Variants in PIK3C3 observed in about 807,000 individuals in gnomAD.
PIK3C3 encodes PI3-kinase type 3.
A neutral mutation model predicts 126.1 loss-of-function variants in PIK3C3; 95 were observed. The ratio of observed to expected loss-of-function variants is 0.75; its 90% CI spans 0.64 to 0.89. The LOEUF is 0.89. PIK3C3 is among the 40% of genes least tolerant of loss of function. The pLI is 0.00. For missense variants in PIK3C3, 829 were observed against 1,063.2 expected (o/e 0.78, Z 3.06); for synonymous variants, 374 against 360.0 (o/e 1.04, Z -0.44).
At chr18:41,980,649 CT>C (rs1210138281) in intron 4 of PIK3C3, among the ~76,000 whole-genome samples, 3 of 151,606 alleles carry the variant, frequency 2.0e-5, no homozygotes, top group Admixed American at 2.0e-4. Context: ...AACTTTGTCT[CT>C]GTAAATAAAA....
chr18:41,958,019 A>C lies in PIK3C3; in HGVS notation c.257+261A>C, dbSNP rs184794753. On this transcript the variant is annotated intron_variant, in intron 2 of 24. Coordinates refer to ENST00000262039, the MANE Select transcript of PIK3C3 (RefSeq NM_002647.4). ...ACTTGACTGATTTACATGACCAAAA[A>C]CAAAAACACGTCTGTGGCATTTTAA... 2.0e-5 allele frequency among the ~76,000 whole-genome samples: 3 copies of C among 152,322 alleles called. No homozygotes were observed. The East Asian group carries it at 5.8e-4, about 29-fold the overall frequency.
chr18:42,037,081 G>T (rs1984088838), intron 16 of PIK3C3, among the ~76,000 whole-genome samples: 1 of 152,118 alleles, frequency 6.6e-6, no homozygotes. Context: ...ATTTTATTAT[G>T]TATATGCAAA....
chr18:42,078,309 G>A (rs894971267), intron 24 of PIK3C3, among the ~76,000 whole-genome samples: 6 of 148,746 alleles, frequency 4.0e-5, no homozygotes, highest in East Asian at 2.0e-4. Context: ...CCCGGGAAGC[G>A]GAGCTTGCAG....
intron 17 of PIK3C3, among the ~76,000 whole-genome samples, chr18:42,038,432 C>G (rs538908575): frequency 6.6e-6 from 1 of 152,012 alleles, no homozygotes; most frequent in African/African-American, 2.4e-5. Flanking sequence ...ACCTCTGCCC[C>G]CTGGGTTCAA....
rs1264261675 is a variant in PIK3C3 at position 42,083,899 on chromosome 18, C to T, written c.*2762C>T. The T allele has an allele frequency of 1.3e-5, 2 of 152,172 alleles. No homozygotes were observed. The highest frequency in any genetic ancestry group is 2.9e-5 in the Non-Finnish European group (2 of 68,030). The allele number at this position is 152,172 out of a possible 1,614,324, so 9.4% of individuals were successfully genotyped here. ...CACTGAGATAATGGTAGTGATAGTA[C>T]TGACCTCTAATGTGTGCATTTGTGG... On this transcript the variant is annotated 3_prime_UTR_variant, in exon 25 of 25. Coordinates refer to ENST00000262039, the MANE Select transcript of PIK3C3 (RefSeq NM_002647.4).
intron 4 of PIK3C3, 26 bp downstream of exon 4, chr18:41,970,482 G>A (rs751443850): frequency 1.2e-6 from 2 of 1,607,430 alleles, no homozygotes; most frequent in Non-Finnish European, 1.7e-6. Context: ...TGGAACAGGT[G>A]CAAAGCTCTG....
intron 13 of PIK3C3, among the ~76,000 whole-genome samples, chr18:42,022,632 A>T (rs566422481): frequency 2.0e-5 from 3 of 150,758 alleles, no homozygotes; most frequent in East Asian, 3.9e-4. Flanking sequence ...ACCTGTGTTT[A>T]TTTTTTTTTG....
At chr18:42,014,586 G>T (rs1982987005) in intron 11 of PIK3C3, among the ~76,000 whole-genome samples, 1 of 152,100 alleles carries the variant, frequency 6.6e-6, no homozygotes, top group Admixed American at 6.5e-5. Context: ...GCTTTTCAGA[G>T]AATCTTAAAA....
At chr18:41,970,536 T>C (rs760928156) in intron 4 of PIK3C3, 80 bp downstream of exon 4, 20 of 1,234,498 alleles carry the variant, frequency 1.6e-5, no homozygotes, top group Non-Finnish European at 2.1e-5. Flanking sequence ...TTATGAACTC[T>C]GTCAGATTTT....
At chr18:42,054,048 T>C (rs1263187807) in intron 21 of PIK3C3, among the ~76,000 whole-genome samples, 1 of 147,810 alleles carries the variant, frequency 6.8e-6, no homozygotes, top group East Asian at 2.0e-4. Context: ...ATGGTTATTC[T>C]TATTTTTATC....
chr18:42,076,129 T>TATATATATATATATATATATATATGCAC (rs1985991706), intron 24 of PIK3C3, among the ~76,000 whole-genome samples: 3 of 81,692 alleles, frequency 3.7e-5, no homozygotes, highest in African/African-American at 2.6e-4. Context: ...TATGCGCATA[T>TATATATATATATATATATATATATGCAC]ATATATATAT....
chr18:42,079,092 C>T (rs561370890), intron 24 of PIK3C3, among the ~76,000 whole-genome samples: 2 of 152,266 alleles, frequency 1.3e-5, no homozygotes, highest in Admixed American at 6.5e-5. Flanking sequence ...CTCTTTGATG[C>T]GAGAGTCTTA....
chr18:42,062,572 T>A (rs1397907367), intron 22 of PIK3C3, among the ~76,000 whole-genome samples: 1 of 152,136 alleles, frequency 6.6e-6, no homozygotes, highest in East Asian at 1.9e-4. Flanking sequence ...TGTAGAACCT[T>A]CATTATCATT....
At chr18:41,975,447 G>C (rs1022367603) in intron 4 of PIK3C3, among the ~76,000 whole-genome samples, 9 of 152,118 alleles carry the variant, frequency 5.9e-5, no homozygotes, top group African/African-American at 2.2e-4. Flanking sequence ...TGCACATGTC[G>C]AACGTTTCTA....
Position 41,955,793 on chromosome 18 carries a change from G to T in PIK3C3, c.68+434G>T, listed in dbSNP as rs143606978. 5.8e-3 allele frequency among the ~76,000 whole-genome samples: 882 copies of T among 152,284 alleles called. 34 individuals carry two copies. The highest frequency in any genetic ancestry group is 0.05 in the Admixed American group (762 of 15,296). ...AGACACAGGCAGATGCGATAGTTGA[G>T]AATAAGATGAGCACATGGTGTATTA... is the stretch of plus-strand genomic sequence containing the variant. On this transcript the variant is annotated intron_variant, in intron 1 of 24. Coordinates refer to ENST00000262039, the MANE Select transcript of PIK3C3 (RefSeq NM_002647.4).
Position 42,083,011 on chromosome 18 carries a change from G to C in PIK3C3, c.*1874G>C, listed in dbSNP as rs1156948783. 6.6e-6 allele frequency: 1 copy of C among 152,194 alleles called. No homozygotes were observed. Among genetic ancestry groups the C allele is most frequent in the African/African-American group, 2.4e-5 (1 of 41,450 alleles). The allele number at this position is 152,194 out of a possible 1,614,324, so 9.4% of individuals were successfully genotyped here. A position where few individuals can be genotyped will look rare whatever the true frequency, so the allele number is the denominator to read the frequency against. On this transcript the variant is annotated 3_prime_UTR_variant, in exon 25 of 25. Transcript: ENST00000262039. The stretch of plus-strand genomic sequence containing the variant: ...ATTCAGTGCCACCTTAACAAGAATT[G>C]TAAAGAGGATAAACCTTTCTAGGAA...
At chr18:42,073,254 G>A (rs1289797996) in intron 24 of PIK3C3, among the ~76,000 whole-genome samples, 1 of 152,204 alleles carries the variant, frequency 6.6e-6, no homozygotes, top group Admixed American at 6.5e-5. Context: ...AGGAGGAAAA[G>A]CACACGTCTA....
At chr18:41,990,279 A>T (rs751203389) in intron 5 of PIK3C3, among the ~76,000 whole-genome samples, 180 bp from the exon 6 acceptor site, 1 of 152,202 alleles carries the variant, frequency 6.6e-6, no homozygotes, top group South Asian at 2.1e-4. Context: ...TGCTGTCTAT[A>T]ATAAAATAAT....
intron 11 of PIK3C3, among the ~76,000 whole-genome samples, chr18:42,014,231 A>AG (rs1195991451): frequency 2.0e-5 from 3 of 151,270 alleles, no homozygotes; most frequent in African/African-American, 7.3e-5. Context: ...AAAAAAAAAA[A>AG]GAAATGGATG....
Sources: gnomAD v4.1 joint callset for allele counts (sites outside exome capture counted in the v4.1 genomes callset) on GRCh38, gnomAD v4.1.1 for gene constraint, MANE v1.5 for transcripts, NCBI Gene and HGNC (gene_info 2026-07-23, HGNC 2026-07-21) for gene names.